The following MED15 variants were observed in gnomAD, a reference collection of about 807,000 sequenced individuals.
MED15 encodes the protein mediator of RNA polymerase II transcription subunit 15.
Under a neutral mutation model 118.7 loss-of-function variants are expected in MED15, and 41 were observed. The observed-to-expected ratio is 0.35, with a 90% confidence interval of 0.27 to 0.45. MED15 has a LOEUF of 0.45. Ranked by LOEUF, MED15 falls within the 20% of genes least tolerant of loss-of-function variation. The pLI, the probability that MED15 is intolerant of heterozygous loss-of-function variation, is 1.00. For synonymous variants in MED15, 436 were observed against 413.9 expected, an observed-to-expected ratio of 1.05 and a Z score of -0.65; for missense variants, 740 against 1,025.5, an observed-to-expected ratio of 0.72 and a Z score of 3.80.
chr22:20,523,496 C>A, intron 1 of MED15: 2 of 250,382 alleles, frequency 8.0e-6, no homozygotes, highest in African/African-American at 2.3e-5. Flanking sequence ...ACCTCCTGGA[C>A]TATTTTAAAT....
chr22:20,584,885 A>G lies in MED15; in HGVS notation c.1834A>G (p.Thr612Ala). 2 of 1,613,022 alleles carry G rather than the reference A, an allele frequency of 1.2e-6. No individual in the cohort carries two copies. The highest frequency in any genetic ancestry group is 1.7e-6 in the Non-Finnish European group (2 of 1,179,816). The change falls in exon 15 of 18, where the codon ACC becomes GCC. Residue 612 changes from threonine (T) to alanine (A), a missense_variant. By Grantham distance (58) the Thr-to-Ala change is moderately conservative. This residue lies in a region of MED15 where 179 missense variants were observed against 259.0 expected (regional missense o/e 0.69). Transcript: ENST00000263205. ...PTPPPPPVPP[T>A]KQQYLCQPLL... is the part of the protein sequence containing the mutation. The stretch of plus-strand genomic sequence containing the variant: ...TCCCCCACCGCCCCCGGTGCCACCG[A>G]CCAAACAGCAGTACCTATGCCAGCC...
intron 16 of MED15, 59 bp downstream of exon 16, chr22:20,585,326 G>A: frequency 1.3e-6 from 2 of 1,584,544 alleles, no homozygotes; most frequent in South Asian, 2.3e-5. Flanking sequence ...GCAGCCCCAG[G>A]ACTCTGCCAT....
At chr22:20,518,754 G>C (rs1423707566) in intron 1 of MED15, 1 of 377,256 alleles carries the variant, frequency 2.7e-6, no homozygotes, top group Non-Finnish European at 5.3e-6. Context: ...AGCCTGCCAT[G>C]GTTTTGTCCA....
chr22:20,579,764 TCC>T (rs143012457), intron 9 of MED15, among the ~76,000 whole-genome samples: 17 of 152,126 alleles, frequency 1.1e-4, no homozygotes, highest in African/African-American at 4.1e-4. Context: ...GTGCCTGAGC[TCC>T]CTTCATCACT....
chr22:20,525,027 G>A (rs551882355), intron 1 of MED15, among the ~76,000 whole-genome samples: 81 of 152,256 alleles, frequency 5.3e-4, no homozygotes, highest in Admixed American at 4.2e-3. Flanking sequence ...TGGTCTGGGC[G>A]CAGTTGCTCA....
chr22:20,529,379 C>A (rs1352607577), intron 1 of MED15, among the ~76,000 whole-genome samples: 1 of 151,948 alleles, frequency 6.6e-6, no homozygotes, highest in Non-Finnish European at 1.5e-5. Flanking sequence ...TCCCAAGTAG[C>A]TGGGATTATG....
At chr22:20,543,447 A>G (rs1403121063) in intron 2 of MED15, among the ~76,000 whole-genome samples, 11 of 143,752 alleles carry the variant, frequency 7.7e-5, no homozygotes, top group East Asian at 6.4e-4. Flanking sequence ...CCTGACCTCA[A>G]GTGATCTGCC....
chr22:20,508,678 G>T (rs2053960225), intron 1 of MED15, among the ~76,000 whole-genome samples: 1 of 152,188 alleles, frequency 6.6e-6, no homozygotes, highest in South Asian at 2.1e-4. Context: ...ACATTGATCA[G>T]TTAGGGTGGG....
At chr22:20,552,828 G>A in intron 3 of MED15, 1 of 359,220 alleles carries the variant, frequency 2.8e-6, no homozygotes, top group Non-Finnish European at 5.1e-6. Flanking sequence ...GCTCAGGGCT[G>A]AGCTGAGACT....
intron 2 of MED15, among the ~76,000 whole-genome samples, chr22:20,538,411 G>A (rs542188153): frequency 7.9e-5 from 12 of 151,956 alleles, no homozygotes; most frequent in East Asian, 1.9e-4. Context: ...CACCACACCC[G>A]GCTAAGTTTT....
chr22:20,512,237 A>G (rs1199139901), intron 1 of MED15, among the ~76,000 whole-genome samples: 3 of 151,864 alleles, frequency 2.0e-5, no homozygotes, highest in Admixed American at 2.0e-4. Context: ...GATCCTCCCT[A>G]CTAGCCTTCC....
At chr22:20,547,409 G>C (rs9637342) in intron 2 of MED15, among the ~76,000 whole-genome samples, 9,228 of 152,170 alleles carry the variant, frequency 0.061, 649 homozygotes, top group East Asian at 0.38. Context: ...TTTCATTTTA[G>C]AAAAATATTT....
chr22:20,532,440 C>G (rs1009032706), intron 1 of MED15, among the ~76,000 whole-genome samples: 4 of 152,170 alleles, frequency 2.6e-5, no homozygotes, highest in Non-Finnish European at 5.9e-5. Context: ...AGTGGGGGAG[C>G]TCCAAGGGCC....
chr22:20,547,903 G>A (rs554414344), intron 2 of MED15, among the ~76,000 whole-genome samples: 1 of 152,296 alleles, frequency 6.6e-6, no homozygotes, highest in Non-Finnish European at 1.5e-5. Flanking sequence ...GGAGGCTGAG[G>A]TGGGGAGGCT....
intron 1 of MED15, among the ~76,000 whole-genome samples, chr22:20,534,759 A>C (rs1187826884): frequency 2.0e-5 from 3 of 152,110 alleles, no homozygotes; most frequent in Non-Finnish European, 2.9e-5. Context: ...CTCCCAGCCC[A>C]CCCATGCCTC....
At chr22:20,516,099 C>G (rs2146349115) in intron 1 of MED15, among the ~76,000 whole-genome samples, 1 of 151,988 alleles carries the variant, frequency 6.6e-6, no homozygotes, top group Non-Finnish European at 1.5e-5. Flanking sequence ...GGCGGATCAC[C>G]TGAGGTCAGG....
At chr22:20,563,261 C>G (rs759518251) in intron 5 of MED15, among the ~76,000 whole-genome samples, 5 of 152,174 alleles carry the variant, frequency 3.3e-5, no homozygotes, top group Non-Finnish European at 7.3e-5. Context: ...TTAACAGCAG[C>G]TTTATTTGTG....
intron 1 of MED15, among the ~76,000 whole-genome samples, chr22:20,529,085 G>A (rs749394372): frequency 6.6e-6 from 1 of 152,168 alleles, no homozygotes; most frequent in Admixed American, 6.5e-5. Flanking sequence ...TGCTGTGTAC[G>A]TTACCACTGG....
chr22:20,551,374 G>C (rs1418665969), intron 2 of MED15, 62 bp from the exon 3 acceptor site: 3 of 1,471,442 alleles, frequency 2.0e-6, no homozygotes, highest in Non-Finnish European at 9.5e-7. Context: ...GGGCGGGAAG[G>C]GGGAGTCCGA....
Sources: gnomAD v4.1 joint callset for allele counts (sites outside exome capture counted in the v4.1 genomes callset) on GRCh38, gnomAD v4.1.1 for gene constraint, gnomAD v4.1.1 regional missense constraint, MANE v1.5 for transcripts, NCBI Gene and HGNC (gene_info 2026-07-23, HGNC 2026-07-21) for gene names.